The following PXDN variants were observed in gnomAD, a reference collection of about 807,000 sequenced individuals.
The protein encoded by PXDN is peroxidasin homolog.
A neutral mutation model predicts 140.3 loss-of-function variants in PXDN; 77 were observed. That is an observed-to-expected ratio of 0.55 (90% CI 0.46 to 0.66). The LOEUF is 0.66. PXDN is among the 30% of genes least tolerant of loss of function. The pLI is 0.00. For missense variants in PXDN, 1,838 were observed against 2,039.5 expected (o/e 0.90, Z 1.90); for synonymous variants, 911 against 857.4 (o/e 1.06, Z -1.09).
intron 1 of PXDN, among the ~76,000 whole-genome samples, chr2:1,721,221 G>C (rs1288812527): frequency 1.3e-5 from 2 of 152,194 alleles, no homozygotes; most frequent in Admixed American, 6.5e-5. Context: ...CGTGGCTGAG[G>C]ATGGGGCTCC....
chr2:1,698,925 A>T (rs1454153897), intron 1 of PXDN, among the ~76,000 whole-genome samples: 1 of 152,178 alleles, frequency 6.6e-6, no homozygotes, highest in Non-Finnish European at 1.5e-5. Context: ...AAGCAAGTGA[A>T]CTTCAAGTCA....
Position 1,744,112 on chromosome 2 carries a change from C to G in PXDN, c.200+144G>C, listed in dbSNP as rs74502124. ...CCCCCACGTCCCCCTTCGGAGGTTCCCTTCTGCGTCCCAAGTCCCCAGGCC... is the reference window on the plus strand; with the variant it reads ...CCCCCACGTCCCCCTTCGGAGGTTCGCTTCTGCGTCCCAAGTCCCCAGGCC... On this transcript the variant is annotated intron_variant, in intron 1 of 22. Transcript: ENST00000252804. 257,130 of 904,646 alleles carry G rather than the reference C, an allele frequency of 0.28. 42,374 individuals carry two copies. The highest frequency in any genetic ancestry group is 0.6 in the East Asian group (17,012 of 28,190). The allele number at this position is 904,646 out of a possible 1,614,324, so 56.0% of individuals were successfully genotyped here.
chr2:1,649,214 G>A lies in PXDN; in HGVS notation c.2566C>T (p.Pro856Ser). ...GGGGGGATCATGACAGAGAAGCAGGGGGGGTCGTTGCTGCACACGTTGCTG... is the reference window on the plus strand; with the variant it reads ...GGGGGGATCATGACAGAGAAGCAGGAGGGGTCGTTGCTGCACACGTTGCTG... Reference protein sequence around the residue: ...HCSNVCSNDPPCFSVMIPPND... With the variant: ...HCSNVCSNDPSCFSVMIPPND... The change falls in exon 17 of 23, where the codon CCC becomes TCC. Residue 856 changes from proline to serine, a missense_variant. Transcript: ENST00000252804. This position sits in a 1 kb window ranked among gnomAD's most constrained non-coding sequence, Gnocchi z 7.1. 1 of 1,606,034 alleles carries A rather than the reference G, an allele frequency of 6.2e-7. No individual in the cohort carries two copies. Among genetic ancestry groups the A allele is most frequent in the Non-Finnish European group, 8.5e-7 (1 of 1,175,906 alleles).
At chr2:1,686,662 G>T (rs1202503053) in intron 4 of PXDN, among the ~76,000 whole-genome samples, 12 of 152,152 alleles carry the variant, frequency 7.9e-5, no homozygotes, top group Admixed American at 7.9e-4. Flanking sequence ...GTCCTTCTCT[G>T]TAGAGACAGA....
chr2:1,686,776 G>A (rs987421718), intron 4 of PXDN, among the ~76,000 whole-genome samples: 3 of 152,172 alleles, frequency 2.0e-5, no homozygotes, highest in African/African-American at 4.8e-5. Flanking sequence ...ATCCCAGAGT[G>A]GTCTCCCCCC....
chr2:1,690,647 C>T (rs78899435), intron 3 of PXDN, among the ~76,000 whole-genome samples: 1 of 54,876 alleles, frequency 1.8e-5, no homozygotes, highest in East Asian at 6.9e-4. Flanking sequence ...ATTCAAAATA[C>T]CAAAAAAAAA....
intron 9 of PXDN, among the ~76,000 whole-genome samples, chr2:1,670,268 G>C (rs564028525): frequency 1.1e-4 from 16 of 152,182 alleles, no homozygotes; most frequent in African/African-American, 3.9e-4. Context: ...AAATTATGGT[G>C]CATTTAGATC....
chr2:1,680,376 G>C lies in PXDN; in HGVS notation c.561-14C>G, dbSNP rs1255857694. Reference sequence around the variant, plus strand: ...GAGTCCAGTCGCCTGTGGGAAGGAAGATGCAGCCGGTGAGACATGGGGTGG... The same window carrying C: ...GAGTCCAGTCGCCTGTGGGAAGGAACATGCAGCCGGTGAGACATGGGGTGG... On this transcript the variant is annotated splice_polypyrimidine_tract_variant and intron_variant, in intron 6 of 22. Transcript: ENST00000252804. 6.2e-7 allele frequency: 1 copy of C among 1,613,822 alleles called. No individual in the cohort carries two copies. Among genetic ancestry groups the C allele is most frequent in the Non-Finnish European group, 8.5e-7 (1 of 1,179,778 alleles).
At chr2:1,711,933 TTCAC>T (rs1425788752) in intron 1 of PXDN, among the ~76,000 whole-genome samples, 2 of 152,202 alleles carry the variant, frequency 1.3e-5, no homozygotes, top group Non-Finnish European at 2.9e-5. Context: ...AAAGCTCTGC[TTCAC>T]TCAACCAGCG....
chr2:1,662,118 G>A lies in PXDN; in HGVS notation c.1634C>T (p.Pro545Leu), dbSNP rs778514397. 49 of 1,598,344 alleles carry A rather than the reference G, an allele frequency of 3.1e-5. 1 individual carries two copies. Among genetic ancestry groups the A allele is most frequent in the South Asian group, 9.1e-5 (8 of 87,958 alleles). The change falls in exon 13 of 23, where the codon CCG becomes CTG. Residue 545 changes from proline (P) to leucine (L), a missense_variant. Physicochemically the swap from Pro to Leu is moderately conservative, Grantham distance 98 (BLOSUM62 -3). This residue lies in a region of PXDN where 537 missense variants were observed against 583.9 expected (regional missense o/e 0.92). Transcript: ENST00000252804. ...CTCGGGCTCGCCCTGGGAGCTGCACGGGAGCTGCACATTGGCGCCCACCTC... is the reference window on the plus strand; with the variant it reads ...CTCGGGCTCGCCCTGGGAGCTGCACAGGAGCTGCACATTGGCGCCCACCTC... ...TVEVGANVQL[P>L]CSSQGEPEPA...
intron 14 of PXDN, among the ~76,000 whole-genome samples, chr2:1,655,713 C>T (rs1275121072): frequency 1.5e-5 from 2 of 135,184 alleles, no homozygotes; most frequent in Admixed American, 1.6e-4. Flanking sequence ...AAACCTGCCC[C>T]CTCCTGACTG....
In PXDN at chr2:1,675,902, G is replaced by A. The variant is rs149534491; in HGVS notation, c.848+1025C>T. Among the ~76,000 whole-genome samples, 58 of 152,352 alleles carry A rather than the reference G, an allele frequency of 3.8e-4. No homozygotes were observed. The East Asian group carries it at 0.011, about 28-fold the overall frequency. On this transcript the variant is annotated intron_variant, in intron 8 of 22. Transcript: ENST00000252804. ...GACTAAACATGGCCAGAGAGGAGCA[G>A]CGCAGGAGTGCTGGGGCTGGGCCGG... is the stretch of plus-strand genomic sequence containing the variant.
chr2:1,680,239 G>T lies in PXDN; in HGVS notation c.684C>A (p.Ile228=). ...TGATGGTTGCCACTGAGCGTCCCTG[G>T]ATGCGTCTGGGATATTCACAGATGG... The part of the protein sequence containing the change: ...AAAICEYPRR[I]QGRSVATITP... Residue 228 remains isoleucine, a synonymous_variant, in exon 7 of 23, where the codon ATC becomes ATA. Coordinates refer to ENST00000252804, the MANE Select transcript of PXDN (RefSeq NM_012293.3). 6.2e-7 allele frequency: 1 copy of T among 1,609,380 alleles called. No homozygotes were observed. Among genetic ancestry groups the T allele is most frequent in the Non-Finnish European group, 8.5e-7 (1 of 1,177,946 alleles).
chr2:1,690,982 A>C (rs1482932943), intron 3 of PXDN, among the ~76,000 whole-genome samples: 1 of 152,198 alleles, frequency 6.6e-6, no homozygotes, highest in Admixed American at 6.5e-5. Flanking sequence ...ACAAATACCT[A>C]ATGCATGTGG....
chr2:1,657,150 G>T (rs73178797), intron 14 of PXDN, among the ~76,000 whole-genome samples: 2,587 of 142,118 alleles, frequency 0.018, 60 homozygotes, highest in African/African-American at 0.064. Context: ...TGACTGGGGG[G>T]GGACCTGCCT....
chr2:1,668,719 T>C (rs781638930), intron 9 of PXDN, among the ~76,000 whole-genome samples: 4 of 152,084 alleles, frequency 2.6e-5, no homozygotes, highest in Non-Finnish European at 4.4e-5. Context: ...CACTGGTCAT[T>C]AGAGAAATGG....
chr2:1,641,571 TA>T (rs1480402182), intron 19 of PXDN, among the ~76,000 whole-genome samples: 1 of 152,194 alleles, frequency 6.6e-6, no homozygotes, highest in Non-Finnish European at 1.5e-5. Flanking sequence ...TGGGGTAAAA[TA>T]AAAACAGGTA....
rs199680670 is a variant in PXDN at position 1,648,224 on chromosome 2, C to G, written c.3556G>C (p.Glu1186Gln). Residue 1186 changes from glutamate to glutamine, a missense_variant, in exon 17 of 23, where the codon GAG (glutamate) becomes CAG (glutamine). By Grantham distance (29) the Glu-to-Gln change is conservative (BLOSUM62 2). Coordinates refer to ENST00000252804, the MANE Select transcript of PXDN (RefSeq NM_012293.3). This position sits in a 1 kb window ranked among gnomAD's most constrained non-coding sequence, Gnocchi z 8.9. ...TTTTTAATCTCATTTTTCAGGTCCT[C>G]GAACGTGTGTGCCGCCGATAGATTG... ...YCNLSAAHTF[E>Q]DLKNEIKNPE... is the part of the protein sequence containing the mutation. 152 of 1,613,730 alleles carry G rather than the reference C, an allele frequency of 9.4e-5. No homozygotes were observed. The highest frequency in any genetic ancestry group is 1.6e-4 in the Middle Eastern group (1 of 6,084).
intron 1 of PXDN, among the ~76,000 whole-genome samples, chr2:1,737,775 G>C (rs1572206143): frequency 6.6e-6 from 1 of 152,172 alleles, no homozygotes; most frequent in South Asian, 2.1e-4. Flanking sequence ...CTGACCTCAG[G>C]TGATCTGCCC....
Sources: gnomAD v4.1 joint callset for allele counts (sites outside exome capture counted in the v4.1 genomes callset) on GRCh38, gnomAD v4.1.1 for gene constraint, gnomAD v4.1.1 regional missense constraint, Gnocchi (gnomAD v3.1) non-coding constraint, MANE v1.5 for transcripts, NCBI Gene and HGNC (gene_info 2026-07-23, HGNC 2026-07-21) for gene names.